The following CENPP variants were observed in gnomAD, a reference collection of about 807,000 sequenced individuals.
The protein encoded by CENPP is centromere protein P.
Under a neutral mutation model 35.6 loss-of-function variants are expected in CENPP, and 24 were observed. The observed-to-expected ratio is 0.67, with a 90% confidence interval of 0.49 to 0.95. CENPP has a LOEUF of 0.95. CENPP is among the 40% of genes least tolerant of loss of function. CENPP has a pLI of 0.00. For missense variants in CENPP, 332 were observed against 345.3 expected (o/e 0.96, Z 0.31); for synonymous variants, 120 against 125.5 (o/e 0.96, Z 0.29).
At chr9:92,433,216 G>C (rs1030877140) in intron 5 of CENPP, among the ~76,000 whole-genome samples, 1 of 152,214 alleles carries the variant, frequency 6.6e-6, no homozygotes, top group Non-Finnish European at 1.5e-5. Context: ...AAGAGAGCAA[G>C]AGGGAGTGAT....
intron 5 of CENPP, among the ~76,000 whole-genome samples, chr9:92,402,261 TATC>T (rs1324664695): frequency 5.3e-5 from 8 of 152,168 alleles, no homozygotes; most frequent in African/African-American, 1.9e-4. Flanking sequence ...AAAATAATGC[TATC>T]ATATTAAAAG....
chr9:92,609,459 G>T (rs1851174876), intron 5 of CENPP, among the ~76,000 whole-genome samples: 1 of 152,244 alleles, frequency 6.6e-6, no homozygotes, highest in South Asian at 2.1e-4. Flanking sequence ...TAGCTGTCAG[G>T]CCAGATGCTT....
intron 5 of CENPP, among the ~76,000 whole-genome samples, chr9:92,595,827 G>T (rs2131380042): frequency 6.6e-6 from 1 of 152,190 alleles, no homozygotes; most frequent in Non-Finnish European, 1.5e-5. Flanking sequence ...CTCCCAAAGG[G>T]CTGGGATTGA....
intron 5 of CENPP, chr9:92,466,543 G>A (rs200280971): frequency 2.8e-5 from 45 of 1,613,958 alleles, no homozygotes; most frequent in Admixed American, 3.3e-5. Flanking sequence ...GTGAATCTTC[G>A]TTAGCTTGTT....
chr9:92,581,843 C>A (rs1850433239), intron 5 of CENPP, among the ~76,000 whole-genome samples: 1 of 152,072 alleles, frequency 6.6e-6, no homozygotes. Flanking sequence ...AGCTAGCATT[C>A]AAAAATACAC....
chr9:92,406,870 G>A (rs1022028060), intron 5 of CENPP, among the ~76,000 whole-genome samples: 1 of 152,138 alleles, frequency 6.6e-6, no homozygotes, highest in Admixed American at 6.5e-5. Context: ...CTTCTGGCAA[G>A]ATGGGTATTA....
chr9:92,588,862 G>T (rs1005684151), intron 5 of CENPP, among the ~76,000 whole-genome samples: 6 of 152,144 alleles, frequency 3.9e-5, no homozygotes, highest in Admixed American at 3.3e-4. Flanking sequence ...AGAGATAAAG[G>T]CATTCTTCTT....
At position 92,348,996 on chromosome 9, in the gene CENPP, TG is replaced by T. The variant is rs538925160; in HGVS notation, c.467+3210del. 4.6e-5 allele frequency among the ~76,000 whole-genome samples: 7 copies of T among 152,368 alleles called. No homozygotes were observed. The East Asian group carries it at 1.4e-3, about 29-fold the overall frequency. On this transcript the variant is annotated intron_variant, in intron 4 of 7. Transcript: ENST00000375587. ...CTCTTAATTTTGTGTTTCTGTAGTT[TG>T]TGCTATGTTTAGGGTATATTTGTGT...
rs764602148 is a variant in CENPP, at chr9:92,404,528, T to C, written c.564+24669T>C. 3.9e-6 allele frequency: 5 copies of C among 1,298,416 alleles called. No individual in the cohort carries two copies. In the East Asian group the frequency reaches 2.3e-4, roughly 58 times the overall value. 80.4% of individuals were successfully genotyped at this position (1,298,416 alleles called of 1,614,324 possible). Reference sequence around the variant, plus strand: ...GCTGTTTTGAAGTTTTTTGTGGTTTTCCTCAATAGATGTTCATGTCTGTGC... The same window carrying C: ...GCTGTTTTGAAGTTTTTTGTGGTTTCCCTCAATAGATGTTCATGTCTGTGC... On this transcript the variant is annotated intron_variant, in intron 5 of 7. Transcript: ENST00000375587.
chr9:92,559,098 C>A (rs930504966), intron 5 of CENPP, among the ~76,000 whole-genome samples: 1 of 152,206 alleles, frequency 6.6e-6, no homozygotes, highest in Non-Finnish European at 1.5e-5. Flanking sequence ...CCTCTGAAGT[C>A]TGCACACTGG....
At chr9:92,368,127 CAT>C (rs750126131) in intron 4 of CENPP, among the ~76,000 whole-genome samples, 3 of 152,064 alleles carry the variant, frequency 2.0e-5, no homozygotes, top group Non-Finnish European at 4.4e-5. Flanking sequence ...TTATTGGTAT[CAT>C]AAATTCAGAA....
chr9:92,401,041 T>C (rs750091432), intron 5 of CENPP: 4 of 850,212 alleles, frequency 4.7e-6, no homozygotes, highest in South Asian at 1.4e-5. Flanking sequence ...ATAAAGTCCA[T>C]TATAGCTATT....
chr9:92,377,618 G>C (rs1842153605), intron 4 of CENPP, among the ~76,000 whole-genome samples: 1 of 152,118 alleles, frequency 6.6e-6, no homozygotes, highest in Admixed American at 6.5e-5. Context: ...CCAAATTCCA[G>C]TAAAAGTGAT....
chr9:92,611,774 A>G (rs950804236), intron 6 of CENPP, among the ~76,000 whole-genome samples: 1 of 152,174 alleles, frequency 6.6e-6, no homozygotes, highest in Non-Finnish European at 1.5e-5. Context: ...TAGTGCCCTG[A>G]TAGCACAGCT....
At chr9:92,564,126 C>A (rs1409554186) in intron 5 of CENPP, among the ~76,000 whole-genome samples, 1 of 152,180 alleles carries the variant, frequency 6.6e-6, no homozygotes, top group African/African-American at 2.4e-5. Flanking sequence ...GTGGCTCACT[C>A]CTGTAATCCC....
At chr9:92,570,489 A>G (rs1469146537) in intron 5 of CENPP, among the ~76,000 whole-genome samples, 2 of 152,176 alleles carry the variant, frequency 1.3e-5, no homozygotes, top group Non-Finnish European at 2.9e-5. Context: ...CCAGTATTTT[A>G]TTGAGGATTT....
At chr9:92,334,069 A>C (rs1312958721) in intron 2 of CENPP, among the ~76,000 whole-genome samples, 3 of 151,656 alleles carry the variant, frequency 2.0e-5, no homozygotes, top group African/African-American at 7.3e-5. Context: ...CAAACTAAGT[A>C]ATGGAATTTG....
At chr9:92,379,191 A>G (rs1433228156) in intron 4 of CENPP, among the ~76,000 whole-genome samples, 1 of 152,210 alleles carries the variant, frequency 6.6e-6, no homozygotes, top group Non-Finnish European at 1.5e-5. Flanking sequence ...GGGGAGACAG[A>G]GATTCCTTGT....
intron 5 of CENPP, chr9:92,522,876 T>C: frequency 6.3e-7 from 1 of 1,584,526 alleles, no homozygotes; most frequent in Non-Finnish European, 8.5e-7. Context: ...TGTTTGATTT[T>C]TTTCCACCAG....
Sources: gnomAD v4.1 joint callset for allele counts (sites outside exome capture counted in the v4.1 genomes callset) on GRCh38, gnomAD v4.1.1 for gene constraint, MANE v1.5 for transcripts, NCBI Gene and HGNC (gene_info 2026-07-23, HGNC 2026-07-21) for gene names.